C12orf42: variants seen among roughly 807,000 people sequenced by gnomAD.
C12orf42 encodes uncharacterized protein C12orf42.
A neutral mutation model predicts 21.6 loss-of-function variants in C12orf42; 25 were observed. The ratio of observed to expected loss-of-function variants is 1.16; its 90% CI spans 0.84 to 1.62. The LOEUF (loss-of-function observed/expected upper bound fraction) is 1.62, where lower values mean the gene tolerates loss of function less well. C12orf42 is among the 40% of genes most tolerant of loss of function. C12orf42 has a pLI of 0.00. For synonymous variants in C12orf42, 174 were observed against 175.0 expected (o/e 0.99, Z 0.05); for missense variants, 483 against 459.3 (o/e 1.05, Z -0.47).
chr12:103,550,383 T>G, the C12orf42 span: 1 of 152,186 alleles, frequency 6.6e-6, no homozygotes, highest in Non-Finnish European at 1.5e-5. Flanking sequence ...TGTAGAGTAT[T>G]CCATCGTCCT....
intron 3 of C12orf42, among the ~76,000 whole-genome samples, chr12:103,381,882 A>C (rs1405759292): frequency 6.6e-6 from 1 of 151,870 alleles, no homozygotes; most frequent in African/African-American, 2.4e-5. Context: ...ACGCCACTGC[A>C]CTCCAACCTG....
intron 3 of C12orf42, among the ~76,000 whole-genome samples, chr12:103,370,101 T>C (rs2045057259): frequency 1.3e-5 from 2 of 152,194 alleles, no homozygotes; most frequent in Admixed American, 1.3e-4. Flanking sequence ...AAATAAGACA[T>C]ACATGTGGCC....
chr12:103,122,250 G>A, the C12orf42 span, among the ~76,000 whole-genome samples: 1 of 152,132 alleles, frequency 6.6e-6, no homozygotes, highest in East Asian at 1.9e-4. Context: ...CTTTATAAAG[G>A]AAAAGGCAGT....
intron 4 of C12orf42, among the ~76,000 whole-genome samples, chr12:103,338,584 A>G (rs1314267078): frequency 1.3e-5 from 2 of 152,222 alleles, no homozygotes; most frequent in African/African-American, 4.8e-5. Context: ...GCCAGATTAT[A>G]TATCTTTGTA....
At chr12:103,197,857 C>T in the C12orf42 span, among the ~76,000 whole-genome samples, 1 of 152,326 alleles carries the variant, frequency 6.6e-6, no homozygotes, top group South Asian at 2.1e-4. Flanking sequence ...TCCTGGGCTG[C>T]ATGCTGTAAT....
intron 4 of C12orf42, among the ~76,000 whole-genome samples, chr12:103,280,608 G>A (rs1593272597): frequency 6.6e-6 from 1 of 151,776 alleles, no homozygotes; most frequent in South Asian, 2.1e-4. Context: ...GACAGAGTGA[G>A]ACTCCATCTC....
chr12:103,457,417 C>T (rs750496421), intron 2 of C12orf42, among the ~76,000 whole-genome samples: 7 of 152,110 alleles, frequency 4.6e-5, no homozygotes, highest in African/African-American at 1.7e-4. Flanking sequence ...TCTGCCCTTC[C>T]TCTGTGGCTT....
chr12:103,317,564 G>C (rs562084896), intron 4 of C12orf42, among the ~76,000 whole-genome samples: 1 of 152,326 alleles, frequency 6.6e-6, no homozygotes, highest in African/African-American at 2.4e-5. Context: ...CTGAGAGCCA[G>C]AGCATTTGGT....
chr12:103,489,816 T>G (rs1955075210), intron 1 of C12orf42, among the ~76,000 whole-genome samples: 1 of 152,204 alleles, frequency 6.6e-6, no homozygotes, highest in South Asian at 2.1e-4. Flanking sequence ...AAGTACAGTA[T>G]TTGGGCAGGA....
At chr12:103,432,937 G>A (rs116607022) in intron 2 of C12orf42, among the ~76,000 whole-genome samples, 144 of 152,188 alleles carry the variant, frequency 9.5e-4, no homozygotes, top group African/African-American at 3.3e-3. Flanking sequence ...TCCAGTCTGT[G>A]GTATTTTTTA....
the C12orf42 span, among the ~76,000 whole-genome samples, chr12:103,084,347 T>G: frequency 6.6e-6 from 1 of 152,230 alleles, no homozygotes; most frequent in African/African-American, 2.4e-5. Flanking sequence ...CTGCATGTTT[T>G]CAGCTGGGGA....
intron 1 of C12orf42, among the ~76,000 whole-genome samples, chr12:103,487,273 G>C (rs1954898085): frequency 6.6e-6 from 1 of 152,194 alleles, no homozygotes; most frequent in Non-Finnish European, 1.5e-5. Flanking sequence ...TTTTGAGTGA[G>C]TTTCTTAATC....
At chr12:103,310,094 T>G (rs1340198654) in intron 4 of C12orf42, among the ~76,000 whole-genome samples, 2 of 152,222 alleles carry the variant, frequency 1.3e-5, no homozygotes, top group African/African-American at 4.8e-5. Flanking sequence ...CAATCCCCAG[T>G]GTTGGAGGTG....
chr12:103,544,768 T>C, the C12orf42 span, among the ~76,000 whole-genome samples: 1 of 152,244 alleles, frequency 6.6e-6, no homozygotes, highest in Non-Finnish European at 1.5e-5. Flanking sequence ...CTTTTCACTA[T>C]GTCTAATCCA....
chr12:103,222,290 T>G, the C12orf42 span, among the ~76,000 whole-genome samples: 3 of 149,198 alleles, frequency 2.0e-5, no homozygotes, highest in Non-Finnish European at 4.5e-5. Flanking sequence ...TCAAAGGGGG[T>G]TTGTTCTCTG....
chr12:103,416,553 C>G (rs1326117702), intron 2 of C12orf42, among the ~76,000 whole-genome samples: 1 of 150,906 alleles, frequency 6.6e-6, no homozygotes, highest in Non-Finnish European at 1.5e-5. Context: ...TTAAAGCATC[C>G]CACCCGAGAC....
chr12:103,273,993 C>A, intron 5 of C12orf42: 1 of 452,534 alleles, frequency 2.2e-6, no homozygotes, highest in South Asian at 1.6e-5. Context: ...AAGAGCACTC[C>A]TATTGCCCTG....
downstream of C12orf42, among the ~76,000 whole-genome samples, chr12:103,234,580 C>T (rs540702169): frequency 1.1e-4 from 16 of 152,254 alleles, no homozygotes; most frequent in East Asian, 3.1e-3. Context: ...TCATGGATCT[C>T]ACTACATCTT....
chr12:103,288,465 C>T (rs554783563), intron 4 of C12orf42, among the ~76,000 whole-genome samples: 17 of 152,262 alleles, frequency 1.1e-4, no homozygotes, highest in East Asian at 3.9e-4. Context: ...ATAAAAATTA[C>T]GTTTAGCACC....
Sources: gnomAD v4.1 joint callset for allele counts (sites outside exome capture counted in the v4.1 genomes callset) on GRCh38, gnomAD v4.1.1 for gene constraint, MANE v1.5 for transcripts, NCBI Gene and HGNC (gene_info 2026-07-23, HGNC 2026-07-21) for gene names.